Variants in COPA observed in about 807,000 individuals in gnomAD.
The protein encoded by COPA is coat protein complex I subunit alpha, also known as coatomer subunit alpha.
A neutral mutation model predicts 158.7 loss-of-function variants in COPA; 10 were observed. The ratio of observed to expected loss-of-function variants is 0.06; its 90% CI spans 0.04 to 0.11. COPA has a LOEUF of 0.11. Among genes scored for constraint, COPA ranks in the 10% least tolerant of loss-of-function variants. COPA has a pLI of 1.00. For missense variants in COPA, 1,065 were observed against 1,536.7 expected (o/e 0.69, Z 5.13); for synonymous variants, 462 against 542.8 (o/e 0.85, Z 2.07).
At position 160,295,864 on chromosome 1, in the gene COPA, ATAG is replaced by A. The variant is rs1658384829; in HGVS notation, c.2353-8_2353-6del. The A allele has an allele frequency of 1.9e-6, 3 of 1,599,550 alleles. No homozygotes were observed. Among genetic ancestry groups the A allele is most frequent in the Non-Finnish European group, 1.7e-6 (2 of 1,176,064 alleles). On this transcript the variant is annotated splice_region_variant and splice_polypyrimidine_tract_variant and intron_variant, in intron 22 of 32. Transcript: ENST00000241704. ...ATTAGGGTCAATGTCTGGGATCTGA[ATAG>A]TAGAAGAAAAGAGGCTAAAAACAAA...
At chr1:160,317,066 A>G (rs886384151) in intron 8 of COPA, among the ~76,000 whole-genome samples, 8 of 152,048 alleles carry the variant, frequency 5.3e-5, no homozygotes, top group Non-Finnish European at 1.0e-4. Context: ...ACAGGCCAAG[A>G]GAGAGAGGAA....
rs1658456086 is a variant in COPA, at chr1:160,297,565, T to A, written c.2158A>T (p.Met720Leu). 1 of 1,614,030 alleles carries A rather than the reference T, an allele frequency of 6.2e-7. No homozygotes were observed. The highest frequency in any genetic ancestry group is 2.2e-5 in the East Asian group (1 of 44,888). ...TGNLEKLRKM[M>L]KIAEIRKDMS... ...AGTTTGAGGGCCTCACCAATCTTCA[T>A]CATCTTGCGAAGTTTTTCTAAGTTG... The change falls in exon 20 of 33, where the codon ATG becomes TTG. Residue 720 changes from methionine to leucine, a missense_variant. Physicochemically the swap from Met to Leu is conservative, Grantham distance 15. Around this residue, in one of 2 missense-constraint regions of COPA, gnomAD observed 980 missense variants for 1,357.8 expected, o/e 0.72. Coordinates refer to ENST00000241704, the MANE Select transcript of COPA (RefSeq NM_004371.4).
At position 160,311,951 on chromosome 1, in the gene COPA, A is replaced by G. The variant is rs2101844438; in HGVS notation, c.993T>C (p.Asn331=). ...ATCGGTCCTTGACATAGTGTAGCAT[A>G]TTGCCATGAACAGCATAGGCTGGCC... ...RERPAYAVHG[N]MLHYVKDRFL... The change falls in exon 11 of 33, where the codon AAT becomes AAC. Residue 331 remains asparagine (N), a synonymous_variant. Coordinates refer to ENST00000241704, the MANE Select transcript of COPA (RefSeq NM_004371.4). 2 of 1,614,116 alleles carry G rather than the reference A, an allele frequency of 1.2e-6. No homozygotes were observed. Among genetic ancestry groups the G allele is most frequent in the Middle Eastern group, 1.7e-4 (1 of 6,060 alleles).
intron 25 of COPA, among the ~76,000 whole-genome samples, chr1:160,293,756 A>G (rs1658316539): frequency 6.6e-6 from 1 of 152,114 alleles, no homozygotes; most frequent in African/African-American, 2.4e-5. Context: ...TCAGCCTCCC[A>G]AAGTGCTAGC....
chr1:160,327,230 ACT>A (rs776571944), intron 6 of COPA, among the ~76,000 whole-genome samples: 8 of 152,144 alleles, frequency 5.3e-5, no homozygotes, highest in Admixed American at 4.6e-4. Flanking sequence ...GAAAATAAAA[ACT>A]CTCATTGAAA....
chr1:160,321,371 GACAA>G (rs1048425690), intron 8 of COPA, among the ~76,000 whole-genome samples: 1 of 152,092 alleles, frequency 6.6e-6, no homozygotes, highest in Non-Finnish European at 1.5e-5. Flanking sequence ...ACAAATAAAG[GACAA>G]ACAAATTGGA....
At chr1:160,316,195 T>C (rs1338579382) in intron 8 of COPA, among the ~76,000 whole-genome samples, 1 of 151,840 alleles carries the variant, frequency 6.6e-6, no homozygotes, top group East Asian at 1.9e-4. Flanking sequence ...CTGTTTCTAC[T>C]AAAAATACCA....
At chr1:160,311,612 G>C (rs1406272346) in intron 11 of COPA, among the ~76,000 whole-genome samples, 1 of 151,944 alleles carries the variant, frequency 6.6e-6, no homozygotes, top group Non-Finnish European at 1.5e-5. Context: ...GCCAGGCGTG[G>C]TGGCGGGCGC....
At chr1:160,315,472 C>A (rs1659100358) in intron 8 of COPA, among the ~76,000 whole-genome samples, 1 of 152,238 alleles carries the variant, frequency 6.6e-6, no homozygotes, top group Non-Finnish European at 1.5e-5. Context: ...CATACACGAA[C>A]CTCTAGCCAG....
chr1:160,343,006 C>T (rs1425301370), intron 1 of COPA, 125 bp downstream of exon 1: 2 of 1,161,306 alleles, frequency 1.7e-6, no homozygotes, highest in East Asian at 2.3e-5. Flanking sequence ...CTCCCACCCT[C>T]CGTCTTCCTC....
intron 1 of COPA, among the ~76,000 whole-genome samples, chr1:160,342,891 C>T (rs1375525022): frequency 1.3e-5 from 2 of 152,146 alleles, no homozygotes; most frequent in African/African-American, 4.8e-5. Context: ...GGGAGGGGGT[C>T]TAAGGAATCC....
chr1:160,324,080 C>T (rs1009858870), intron 7 of COPA, among the ~76,000 whole-genome samples: 38 of 152,146 alleles, frequency 2.5e-4, no homozygotes, highest in African/African-American at 8.9e-4. Context: ...CCAGGCTGGT[C>T]TTGAACTCCC....
At chr1:160,292,849 GTTA>G (rs1378298029) in intron 27 of COPA, among the ~76,000 whole-genome samples, 1 of 152,100 alleles carries the variant, frequency 6.6e-6, no homozygotes, top group East Asian at 1.9e-4. Flanking sequence ...CATTATTGTT[GTTA>G]TTATAACAAT....
At chr1:160,307,864 T>C (rs965195226) in intron 13 of COPA, among the ~76,000 whole-genome samples, 10 of 152,202 alleles carry the variant, frequency 6.6e-5, no homozygotes, top group Admixed American at 1.3e-4. Context: ...GGGAAACTTG[T>C]AGAAGGATAA....
At chr1:160,306,317 T>C (rs1658784322) in intron 15 of COPA, 37 bp downstream of exon 15, 1 of 1,552,120 alleles carries the variant, frequency 6.4e-7, no homozygotes, top group Admixed American at 2.0e-5. Context: ...TCTCCCCAAC[T>C]ACAGGGCTGT....
intron 8 of COPA, among the ~76,000 whole-genome samples, chr1:160,322,965 A>G (rs999225520): frequency 2.6e-5 from 4 of 151,536 alleles, no homozygotes; most frequent in Non-Finnish European, 1.5e-5. Flanking sequence ...AGGGATGAAT[A>G]AAGAAAATTA....
intron 30 of COPA, 76 bp from the exon 31 acceptor site, chr1:160,291,572 G>A: frequency 6.6e-7 from 1 of 1,523,936 alleles, no homozygotes; most frequent in East Asian, 2.3e-5. Context: ...TGCTACACAT[G>A]CATAAAAAAC....
chr1:160,306,553 C>T, intron 14 of COPA, 60 bp from the exon 15 acceptor site: 1 of 1,591,250 alleles, frequency 6.3e-7, no homozygotes, highest in Non-Finnish European at 8.6e-7. Context: ...ATGATGACAA[C>T]TGATGATGTT....
Position 160,313,651 on chromosome 1 carries a change from T to C in COPA, c.842+339A>G, listed in dbSNP as rs1355794367. Among the ~76,000 whole-genome samples, 3 of 152,172 alleles carry C rather than the reference T, an allele frequency of 2.0e-5. No individual in the cohort carries two copies. In the East Asian group the frequency reaches 5.8e-4, roughly 29 times the overall value. On this transcript the variant is annotated intron_variant, in intron 9 of 32. Coordinates refer to ENST00000241704, the MANE Select transcript of COPA (RefSeq NM_004371.4). Reference sequence around the variant, plus strand: ...GGATGGTCTCAATCTCCTGACCTCGTGATCCACCCGCCTCAGCCTCCCAAG... The same window carrying C: ...GGATGGTCTCAATCTCCTGACCTCGCGATCCACCCGCCTCAGCCTCCCAAG...
Sources: gnomAD v4.1 joint callset for allele counts (sites outside exome capture counted in the v4.1 genomes callset) on GRCh38, gnomAD v4.1.1 for gene constraint, gnomAD v4.1.1 regional missense constraint, MANE v1.5 for transcripts, NCBI Gene and HGNC (gene_info 2026-07-23, HGNC 2026-07-21) for gene names.